Variants in RGS12 observed in about 807,000 individuals in gnomAD.
RGS12 encodes regulator of G-protein signaling 12.
A neutral mutation model predicts 120.1 loss-of-function variants in RGS12; 66 were observed. That is an observed-to-expected ratio of 0.55 (90% CI 0.45 to 0.67). The LOEUF (loss-of-function observed/expected upper bound fraction) is 0.67, where lower values mean the gene tolerates loss of function less well. Among genes scored for constraint, RGS12 ranks in the 30% least tolerant of loss-of-function variants. The pLI, the probability that RGS12 is intolerant of heterozygous loss-of-function variation, is 0.00. For missense variants in RGS12, 1,859 were observed against 1,957.7 expected (o/e 0.95, Z 0.95); for synonymous variants, 827 against 804.7 (o/e 1.03, Z -0.47).
At position 3,372,757 on chromosome 4, in the gene RGS12, G is replaced by A. The variant is rs1046448058; in HGVS notation, c.1999-13659G>A. Among the ~76,000 whole-genome samples the A allele has an allele frequency of 2.0e-4, 30 of 152,328 alleles. No homozygotes were observed. The highest frequency in any genetic ancestry group is 6.5e-4 in the African/African-American group (27 of 41,560). On this transcript the variant is annotated intron_variant, in intron 3 of 17. Coordinates refer to ENST00000336727, the MANE Select transcript of RGS12 (RefSeq NM_001394154.1). This position sits in a 1 kb window ranked among gnomAD's most constrained non-coding sequence, Gnocchi z 4.3. ...AGAGACTTGGGAGCACATGAGGTGC[G>A]GTGTAGATTTGTCTTCATTTCTCTC...
At chr4:3,299,583 C>T (rs902871244) in intron 1 of RGS12, among the ~76,000 whole-genome samples, 3 of 152,160 alleles carry the variant, frequency 2.0e-5, no homozygotes, top group Admixed American at 6.5e-5. Context: ...GAGCTGCCGG[C>T]ACTTTGATTA....
intron 2 of RGS12, among the ~76,000 whole-genome samples, chr4:3,340,150 C>T (rs893559087): frequency 2.0e-5 from 3 of 152,234 alleles, no homozygotes; most frequent in South Asian, 2.1e-4. Flanking sequence ...TTGTGGCCTC[C>T]GTGTCGTGTG....
At chr4:3,423,437 C>T in intron 12 of RGS12, 78 bp from the exon 13 acceptor site, 2 of 1,580,476 alleles carry the variant, frequency 1.3e-6, no homozygotes, top group East Asian at 2.3e-5. Context: ...TGGGGCTGTG[C>T]TGTAGTTCTG....
intron 4 of RGS12, among the ~76,000 whole-genome samples, chr4:3,406,718 CCT>C (rs1467461902): frequency 1.3e-5 from 2 of 152,348 alleles, no homozygotes; most frequent in African/African-American, 4.8e-5. Flanking sequence ...CCCAGGAGAT[CCT>C]CTCAGAGATG....
rs1724718001 is a variant in RGS12 at position 3,316,083 on chromosome 4, G to A, written c.-88G>A. The A allele has an allele frequency of 7.3e-7, 1 of 1,363,124 alleles. No homozygotes were observed. Among genetic ancestry groups the A allele is most frequent in the South Asian group, 1.5e-5 (1 of 64,842 alleles). The allele number at this position is 1,363,124 out of a possible 1,614,324, so 84.4% of individuals were successfully genotyped here. A position where few individuals can be genotyped will look rare whatever the true frequency, so the allele number is the denominator to read the frequency against. On this transcript the variant is annotated 5_prime_UTR_variant, in exon 2 of 18. Transcript: ENST00000336727. ...TTTCTTTCTTAGGGCACTGTTTGAA[G>A]AAGCAAACATGGTAGCATCAAGCAT...
At position 3,374,817 on chromosome 4, in the gene RGS12, A is replaced by G. The variant is rs1217628037; in HGVS notation, c.1999-11599A>G. Among the ~76,000 whole-genome samples the G allele has an allele frequency of 6.6e-6, 1 of 152,066 alleles. No homozygotes were observed. Among genetic ancestry groups the G allele is most frequent in the Admixed American group, 6.5e-5 (1 of 15,274 alleles). ...TGTCCATGCACCTGCCAGAGTGAGC[A>G]GCGCCATCCTAGCCGCCCCTGCTCT... On this transcript the variant is annotated intron_variant, in intron 3 of 17. Transcript: ENST00000336727. The surrounding 1 kb of genome is among the most constrained non-coding windows in gnomAD (Gnocchi z 6.3).
chr4:3,302,018 A>G (rs1185134552), intron 1 of RGS12, among the ~76,000 whole-genome samples: 1 of 151,450 alleles, frequency 6.6e-6, no homozygotes, highest in Non-Finnish European at 1.5e-5. Context: ...AAATCTGGCA[A>G]CTCCATTTAT....
intron 12 of RGS12, among the ~76,000 whole-genome samples, chr4:3,423,241 G>C (rs970361723): frequency 2.0e-5 from 3 of 152,208 alleles, no homozygotes; most frequent in Non-Finnish European, 2.9e-5. Flanking sequence ...TGCCGAGAGG[G>C]AGGGGCAGGA....
At chr4:3,364,362 C>T (rs1716070453) in intron 3 of RGS12, among the ~76,000 whole-genome samples, 2 of 152,216 alleles carry the variant, frequency 1.3e-5, no homozygotes, top group Admixed American at 6.5e-5. Context: ...CTGGGCTCCT[C>T]TCACCCAGAG....
intron 17 of RGS12, chr4:3,432,266 AT>A: frequency 4.0e-6 from 3 of 753,150 alleles, no homozygotes; most frequent in Non-Finnish European, 3.2e-6. Context: ...AATATCACAC[AT>A]TTTTAGGAGA....
At chr4:3,394,359 C>T (rs1052503498) in intron 4 of RGS12, among the ~76,000 whole-genome samples, 1 of 152,114 alleles carries the variant, frequency 6.6e-6, no homozygotes, top group African/African-American at 2.4e-5. Context: ...GATGGTGTTT[C>T]ACCATGTTGC....
rs1183027037 is a variant in RGS12 at position 3,372,582 on chromosome 4, G to A, written c.1999-13834G>A. 6.6e-6 allele frequency among the ~76,000 whole-genome samples: 1 copy of A among 152,250 alleles called. No individual in the cohort carries two copies. The highest frequency in any genetic ancestry group is 1.5e-5 in the Non-Finnish European group (1 of 68,046). On this transcript the variant is annotated intron_variant, in intron 3 of 17. Transcript: ENST00000336727. This position sits in a 1 kb window ranked among gnomAD's most constrained non-coding sequence, Gnocchi z 4.3. ...GGTGCATCCACGCTGGCCCCCCCAGGTGTGCCCTGTGTGGCCGGCATGGAG... is the reference window on the plus strand; with the variant it reads ...GGTGCATCCACGCTGGCCCCCCCAGATGTGCCCTGTGTGGCCGGCATGGAG...
chr4:3,402,418 C>G (rs1720686996), intron 4 of RGS12, among the ~76,000 whole-genome samples: 1 of 152,204 alleles, frequency 6.6e-6, no homozygotes, highest in African/African-American at 2.4e-5. Context: ...TCCTCCTTCC[C>G]TGAAGCCTGG....
intron 17 of RGS12, 79 bp downstream of exon 17, chr4:3,431,034 C>T: frequency 6.5e-7 from 1 of 1,526,846 alleles, no homozygotes; most frequent in South Asian, 1.2e-5. Context: ...GGACAGTGGG[C>T]CCCCGGCTGC....
rs965605710 is a variant in RGS12 at position 3,410,434 on chromosome 4, C to T, written c.2021-3638C>T. Among the ~76,000 whole-genome samples, 4 of 152,244 alleles carry T rather than the reference C, an allele frequency of 2.6e-5. 1 individual carries two copies. The highest frequency in any genetic ancestry group is 3.9e-4 in the East Asian group (2 of 5,148). ...ATGTACACAGAACAGGATCGGCCCC[C>T]GAGGCTGTTTCTGGTGCAGGGCGTG... On this transcript the variant is annotated intron_variant, in intron 4 of 17. Coordinates refer to ENST00000336727, the MANE Select transcript of RGS12 (RefSeq NM_001394154.1).
intron 3 of RGS12, chr4:3,386,148 A>G (rs1015734281): frequency 1.9e-6 from 1 of 528,620 alleles, no homozygotes. Context: ...CGCTGTTACT[A>G]AGACTGTAAT....
intron 3 of RGS12, among the ~76,000 whole-genome samples, chr4:3,384,028 C>A (rs1248166791): frequency 2.0e-5 from 3 of 152,206 alleles, no homozygotes; most frequent in African/African-American, 7.2e-5. Context: ...AAGTGAAACA[C>A]CTCCTTCATA....
In RGS12 at chr4:3,373,379, C is replaced by T. The variant is rs1309195121; in HGVS notation, c.1999-13037C>T. Among the ~76,000 whole-genome samples the T allele has an allele frequency of 2.0e-5, 3 of 152,202 alleles. 1 individual carries two copies. The highest frequency in any genetic ancestry group is 4.4e-5 in the Non-Finnish European group (3 of 68,046). On this transcript the variant is annotated intron_variant, in intron 3 of 17. Coordinates refer to ENST00000336727, the MANE Select transcript of RGS12 (RefSeq NM_001394154.1). ...AGTGGTGCATGGCTGATGGCCGCCGCAGGACACAAGAGGGTTTCGGGGGCG... is the reference window on the plus strand; with the variant it reads ...AGTGGTGCATGGCTGATGGCCGCCGTAGGACACAAGAGGGTTTCGGGGGCG...
rs926497813 is a variant in RGS12 at position 3,376,792 on chromosome 4, T to C, written c.1999-9624T>C. ...AGCATGTGGGAGTGCAGTGAGCCAC[T>C]AAGCCAGGGCATCTTCTCCTGAACA... On this transcript the variant is annotated intron_variant, in intron 3 of 17. Coordinates refer to ENST00000336727, the MANE Select transcript of RGS12 (RefSeq NM_001394154.1). Among the ~76,000 whole-genome samples, 3 of 152,322 alleles carry C rather than the reference T, an allele frequency of 2.0e-5. No homozygotes were observed. The South Asian group carries it at 6.2e-4, about 32-fold the overall frequency.
Sources: gnomAD v4.1 joint callset for allele counts (sites outside exome capture counted in the v4.1 genomes callset) on GRCh38, gnomAD v4.1.1 for gene constraint, Gnocchi (gnomAD v3.1) non-coding constraint, MANE v1.5 for transcripts, NCBI Gene and HGNC (gene_info 2026-07-23, HGNC 2026-07-21) for gene names.